Variants in CA8 observed in about 807,000 individuals in gnomAD.
CA8 encodes the protein carbonic anhydrase-related protein.
Under a neutral mutation model 41.4 loss-of-function variants are expected in CA8, and 22 were observed. That is an observed-to-expected ratio of 0.53 (90% confidence interval 0.38 to 0.76). The LOEUF (loss-of-function observed/expected upper bound fraction) is 0.76, where lower values mean the gene tolerates loss of function less well. CA8 is among the 30% of genes least tolerant of loss of function. The probability of loss-of-function intolerance (pLI) is 0.00; values close to 1 mark genes in which losing one functional copy is unlikely to be tolerated. For missense variants in CA8, 270 were observed against 352.8 expected (o/e 0.77, Z 1.88); for synonymous variants, 121 against 130.6 (o/e 0.93, Z 0.50).
At chr8:60,247,279 G>C (rs1338936588) in intron 3 of CA8, among the ~76,000 whole-genome samples, 2 of 149,250 alleles carry the variant, frequency 1.3e-5, no homozygotes, top group Non-Finnish European at 2.9e-5. Context: ...TGTTACATAG[G>C]TATACATATG....
At chr8:60,274,610 G>A (rs1804173431) in intron 2 of CA8, among the ~76,000 whole-genome samples, 1 of 152,104 alleles carries the variant, frequency 6.6e-6, no homozygotes, top group Non-Finnish European at 1.5e-5. Flanking sequence ...AGAATGGGAT[G>A]AGGCTCTTAT....
At chr8:60,267,438 A>G (rs1035389696) in intron 2 of CA8, among the ~76,000 whole-genome samples, 4 of 152,234 alleles carry the variant, frequency 2.6e-5, no homozygotes, top group Non-Finnish European at 4.4e-5. Context: ...TCAACAGGAA[A>G]GGGAAGTGAG....
Position 60,188,551 on chromosome 8 carries a change from G to T in CA8, c.*1470C>A, listed in dbSNP as rs923297694. The T allele has an allele frequency of 6.6e-6, 1 of 152,300 alleles. No homozygotes were observed. The highest frequency in any genetic ancestry group is 2.4e-5 in the African/African-American group (1 of 41,558). 9.4% of individuals were successfully genotyped at this position (152,300 alleles called of 1,614,324 possible). A position where few individuals can be genotyped will look rare whatever the true frequency, so the allele number is the denominator to read the frequency against. On this transcript the variant is annotated 3_prime_UTR_variant, in exon 9 of 9. Transcript: ENST00000317995. ...ATGTAAATATTTTTGTCACAGTTTT[G>T]TAACCATGCTTCACCGTTTCCTCAT...
intron 8 of CA8, among the ~76,000 whole-genome samples, chr8:60,192,319 CT>C (rs1806153844): frequency 6.6e-6 from 1 of 152,148 alleles, no homozygotes; most frequent in Non-Finnish European, 1.5e-5. Flanking sequence ...TTACTTGCCC[CT>C]TCTGAGACTC....
chr8:60,275,151 G>A (rs1405728013), intron 2 of CA8, among the ~76,000 whole-genome samples: 6 of 152,098 alleles, frequency 3.9e-5, no homozygotes, highest in Non-Finnish European at 8.8e-5. Context: ...ACCAATATAA[G>A]CAACAAAGAC....
At chr8:60,207,731 C>T (rs1430601456) in intron 8 of CA8, among the ~76,000 whole-genome samples, 1 of 152,166 alleles carries the variant, frequency 6.6e-6, no homozygotes, top group Non-Finnish European at 1.5e-5. Context: ...ACCCTGGCTA[C>T]CTGGCAGACT....
chr8:60,265,899 T>G (rs1293042949), intron 3 of CA8, 26 bp downstream of exon 3: 1 of 1,612,818 alleles, frequency 6.2e-7, no homozygotes, highest in Admixed American at 1.7e-5. Flanking sequence ...AAACAAGATT[T>G]TTACAAGATG....
intron 7 of CA8, among the ~76,000 whole-genome samples, chr8:60,210,160 T>C (rs1302551185): frequency 2.0e-5 from 3 of 152,216 alleles, no homozygotes; most frequent in African/African-American, 7.2e-5. Context: ...ACCTGCTCTT[T>C]TCTCAGCTCC....
At chr8:60,272,092 A>G (rs1007898055) in intron 2 of CA8, among the ~76,000 whole-genome samples, 4 of 152,202 alleles carry the variant, frequency 2.6e-5, no homozygotes, top group African/African-American at 9.6e-5. Context: ...TGCCCAGAGC[A>G]GAGGTAGAAT....
chr8:60,214,713 C>T (rs1806955671), intron 7 of CA8, among the ~76,000 whole-genome samples: 2 of 152,118 alleles, frequency 1.3e-5, no homozygotes, highest in African/African-American at 2.4e-5. Context: ...GGCACTAACT[C>T]GGGCTGTCAG....
At chr8:60,255,017 G>T (rs932471937) in intron 3 of CA8, among the ~76,000 whole-genome samples, 13 of 152,132 alleles carry the variant, frequency 8.5e-5, no homozygotes, top group Middle Eastern at 3.2e-3. Flanking sequence ...TCCAGTGCCA[G>T]TGAGCTTTAA....
At chr8:60,247,186 A>G (rs1386541185) in intron 3 of CA8, among the ~76,000 whole-genome samples, 1 of 152,086 alleles carries the variant, frequency 6.6e-6, no homozygotes, top group Non-Finnish European at 1.5e-5. Flanking sequence ...CCCAGCCAAT[A>G]ACGGCTTTTA....
At chr8:60,219,866 G>A (rs573543842) in intron 7 of CA8, among the ~76,000 whole-genome samples, 4 of 134,724 alleles carry the variant, frequency 3.0e-5, no homozygotes, top group Non-Finnish European at 6.1e-5. Flanking sequence ...GGGATCAACT[G>A]TTGTATTCAC....
intron 3 of CA8, among the ~76,000 whole-genome samples, chr8:60,239,988 C>T (rs909959428): frequency 6.6e-6 from 1 of 152,178 alleles, no homozygotes; most frequent in African/African-American, 2.4e-5. Flanking sequence ...TTGGCTATGT[C>T]TTTATCAGCA....
At chr8:60,213,096 C>G (rs2130436443) in intron 7 of CA8, among the ~76,000 whole-genome samples, 1 of 152,262 alleles carries the variant, frequency 6.6e-6, no homozygotes, top group East Asian at 1.9e-4. Context: ...CTCTTCTACC[C>G]CATTATATAA....
chr8:60,236,407 T>C (rs772381301), intron 3 of CA8, among the ~76,000 whole-genome samples: 22 of 152,184 alleles, frequency 1.4e-4, no homozygotes, highest in Non-Finnish European at 3.2e-4. Context: ...CCCAATCTCT[T>C]CTTTCTCCCT....
rs947303492 is a variant in CA8 at position 60,208,514 on chromosome 8, G to C, written c.*35+236C>G. 13 of 484,088 alleles carry C rather than the reference G, an allele frequency of 2.7e-5. No homozygotes were observed. The Admixed American group carries it at 3.0e-4, about 11-fold the overall frequency. 30.0% of individuals were successfully genotyped at this position (484,088 alleles called of 1,614,324 possible). A position where few individuals can be genotyped will look rare whatever the true frequency, so the allele number is the denominator to read the frequency against. ...TTCTTATGAAAGCCACCAAAACTTG[G>C]AATTAAAGGCTACTCTGATAGGAAA... On this transcript the variant is annotated intron_variant, in intron 8 of 8. Transcript: ENST00000317995.
chr8:60,192,937 G>GCACA (rs377257462), intron 8 of CA8, among the ~76,000 whole-genome samples: 15,032 of 140,522 alleles, frequency 0.11, 1,030 homozygotes, highest in East Asian at 0.23. Flanking sequence ...TCAACATCAT[G>GCACA]CACACACACA....
chr8:60,238,007 G>C (rs1288264554), intron 3 of CA8, among the ~76,000 whole-genome samples: 1 of 152,192 alleles, frequency 6.6e-6, no homozygotes, highest in Non-Finnish European at 1.5e-5. Flanking sequence ...TACAGCTTCA[G>C]GGAAAATCTT....
Sources: allele counts gnomAD v4.1 joint callset (sites outside exome capture counted in the v4.1 genomes callset), GRCh38; gene constraint gnomAD v4.1.1; transcripts MANE v1.5; gene names NCBI Gene and HGNC (gene_info 2026-07-23, HGNC 2026-07-21).